Variants in EYA1 observed in about 807,000 individuals in gnomAD.
EYA1 encodes protein phosphatase EYA1.
In EYA1, 16 loss-of-function variants were observed where a neutral mutation model predicts 82.0. The ratio of observed to expected loss-of-function variants is 0.20; its 90% confidence interval spans 0.13 to 0.30. EYA1 has a LOEUF of 0.30. EYA1 is among the 10% of genes least tolerant of loss of function. EYA1 has a pLI of 1.00. For synonymous variants in EYA1, 261 were observed against 264.4 expected (o/e 0.99, Z 0.12); for missense variants, 633 against 730.7 (o/e 0.87, Z 1.54).
At chr8:71,280,593 T>G (rs1237343438) in intron 9 of EYA1, among the ~76,000 whole-genome samples, 2 of 152,200 alleles carry the variant, frequency 1.3e-5, no homozygotes, top group Non-Finnish European at 2.9e-5. Context: ...CTAAAGCAAT[T>G]CCAGTGGTGG....
At chr8:71,467,908 ATTTAC>A (rs1197974343) in intron 2 of EYA1, among the ~76,000 whole-genome samples, 1 of 152,078 alleles carries the variant, frequency 6.6e-6, no homozygotes, top group Non-Finnish European at 1.5e-5. Flanking sequence ...TGGTTAGATG[ATTTAC>A]TAAGTCTCGG....
In EYA1 at chr8:71,212,536, GT is replaced by G. The variant is rs555560589; in HGVS notation, c.1598-1281del. 1.4e-4 allele frequency among the ~76,000 whole-genome samples: 21 copies of G among 152,314 alleles called. No homozygotes were observed. In the South Asian group the frequency reaches 2.3e-3, roughly 17 times the overall value. ...AAATTCAATGTAATTTAAAGATGAA[GT>G]TGTGGTAGACAAAAAAAATCCTTGC... On this transcript the variant is annotated intron_variant, in intron 16 of 17. Transcript: ENST00000340726.
chr8:71,422,263 A>C (rs957943785), intron 2 of EYA1, among the ~76,000 whole-genome samples: 4 of 152,220 alleles, frequency 2.6e-5, no homozygotes, highest in Non-Finnish European at 5.9e-5. Context: ...GGGATAAAGC[A>C]GATGACATTT....
chr8:71,246,297 CA>C (rs2128907831), intron 11 of EYA1, among the ~76,000 whole-genome samples: 1 of 152,264 alleles, frequency 6.6e-6, no homozygotes, highest in South Asian at 2.1e-4. Flanking sequence ...ATTATGTAAC[CA>C]GGGGGATTGT....
At position 71,215,423 on chromosome 8, in the gene EYA1, A is replaced by G. The variant is rs757978078; in HGVS notation, c.1561T>C (p.Phe521Leu). ...GCACTGTAAATATTTTCTATTGGAA[A>G]TACAATTCCTAACCCATACAGCAGG... ...KVLLYGLGIV[F>L]PIENIYSATK... Residue 521 changes from phenylalanine (F) to leucine (L), a missense_variant, in exon 16 of 18, where the codon TTT becomes CTT. Coordinates refer to ENST00000340726, the MANE Select transcript of EYA1 (RefSeq NM_000503.6). 1.2e-6 allele frequency: 2 copies of G among 1,613,280 alleles called. No individual in the cohort carries two copies. The highest frequency in any genetic ancestry group is 1.7e-6 in the Non-Finnish European group (2 of 1,179,182).
intron 2 of EYA1, among the ~76,000 whole-genome samples, chr8:71,385,394 G>A (rs1400262217): frequency 2.0e-5 from 3 of 151,964 alleles, no homozygotes; most frequent in East Asian, 1.9e-4. Context: ...GAGCCACCAC[G>A]TAAAACAAAA....
Position 71,361,815 on chromosome 8 carries a change from A to G in EYA1, c.-223T>C, listed in dbSNP as rs1827406729. On this transcript the variant is annotated 5_prime_UTR_variant, in exon 1 of 18. Transcript: ENST00000340726. ...TGGGAGTGGAGCGCCTCTGCAGGGG[A>G]AAGCTCGGCGCAGGGGGCAGGCGCC... 4 of 985,338 alleles carry G rather than the reference A, an allele frequency of 4.1e-6. No individual in the cohort carries two copies. Among genetic ancestry groups the G allele is most frequent in the South Asian group, 4.7e-5 (1 of 21,296 alleles). The allele number at this position is 985,338 out of a possible 1,614,324, so 61.0% of individuals were successfully genotyped here.
At chr8:71,330,425 GA>G (rs1823700180) in intron 4 of EYA1, among the ~76,000 whole-genome samples, 1 of 152,100 alleles carries the variant, frequency 6.6e-6, no homozygotes, top group Non-Finnish European at 1.5e-5. Context: ...TGCCTCTGTT[GA>G]GTTTGTGTCA....
At position 71,354,829 on chromosome 8, in the gene EYA1, C is replaced by G; in HGVS notation, c.77G>C (p.Gly26Ala). Residue 26 changes from glycine (G) to alanine (A), a missense_variant, in exon 3 of 18, where the codon GGT becomes GCT. By Grantham distance (60) the Gly-to-Ala change is moderately conservative. Coordinates refer to ENST00000340726, the MANE Select transcript of EYA1 (RefSeq NM_000503.6). ...GGAATTACTATTTATATGAGAGTTACCGAGTTTGGGGCCACTGGGGGATTC... is the reference window on the plus strand; with the variant it reads ...GGAATTACTATTTATATGAGAGTTAGCGAGTTTGGGGCCACTGGGGGATTC... ...SSESPSGPKL[G>A]NSHINSNSMT... is the part of the protein sequence containing the mutation. 1 of 1,613,744 alleles carries G rather than the reference C, an allele frequency of 6.2e-7. No individual in the cohort carries two copies. Among genetic ancestry groups the G allele is most frequent in the Non-Finnish European group, 8.5e-7 (1 of 1,179,718 alleles).
At chr8:71,488,251 A>C (rs1428978125) in intron 2 of EYA1, among the ~76,000 whole-genome samples, 1 of 152,044 alleles carries the variant, frequency 6.6e-6, no homozygotes, top group African/African-American at 2.4e-5. Context: ...TCATGATATA[A>C]ATATATGATA....
chr8:71,287,593 C>T (rs2128981366), intron 9 of EYA1, among the ~76,000 whole-genome samples: 1 of 152,310 alleles, frequency 6.6e-6, no homozygotes, highest in African/African-American at 2.4e-5. Flanking sequence ...ACATTTCAAC[C>T]ACTGGTTTAA....
intron 2 of EYA1, among the ~76,000 whole-genome samples, chr8:71,379,099 G>A (rs16937613): frequency 0.021 from 3,213 of 152,196 alleles, 122 homozygotes; most frequent in African/African-American, 0.071. Context: ...GTACATGAAA[G>A]TGCAGAGAAA....
chr8:71,538,363 GAATGAATGAATAA>G lies in EYA1; in HGVS notation c.-72-2528_-72-2516del, dbSNP rs138079658. 4.3e-3 allele frequency among the ~76,000 whole-genome samples: 659 copies of G among 152,226 alleles called. 3 individuals carry two copies. Among genetic ancestry groups the G allele is most frequent in the Non-Finnish European group, 7.2e-3 (488 of 68,018 alleles). On this transcript the variant is annotated intron_variant, in intron 1 of 18. Coordinates refer to the EYA1 transcript ENST00000643681. ...ACATATGGCACTAATTAAATATTTT[GAATGAATGAATAA>G]AATGAATAAATGAATGAATGTTGTT... is the stretch of plus-strand genomic sequence containing the variant.
At chr8:71,236,061 G>C (rs1811794029) in intron 12 of EYA1, among the ~76,000 whole-genome samples, 1 of 151,538 alleles carries the variant, frequency 6.6e-6, no homozygotes, top group South Asian at 2.1e-4. Context: ...TTATTTTTTT[G>C]AAATAGTCTC....
intron 7 of EYA1, 107 bp from the exon 8 acceptor site, chr8:71,299,827 A>G: frequency 1.3e-6 from 1 of 741,374 alleles, no homozygotes; most frequent in South Asian, 1.4e-5. Context: ...TTTATCTTCG[A>G]CACTAGAATC....
At chr8:71,510,674 C>T (rs1586857224) in intron 2 of EYA1, among the ~76,000 whole-genome samples, 3 of 152,198 alleles carry the variant, frequency 2.0e-5, no homozygotes, top group South Asian at 4.1e-4. Flanking sequence ...CTGGTCCTGA[C>T]CTTGACACAT....
intron 2 of EYA1, among the ~76,000 whole-genome samples, chr8:71,496,281 G>A (rs1308791763): frequency 1.3e-5 from 2 of 152,184 alleles, no homozygotes; most frequent in Non-Finnish European, 2.9e-5. Context: ...AGCCTGTACA[G>A]CTAAGCTAAC....
chr8:71,254,875 A>C lies in EYA1; in HGVS notation c.1051-10183T>G, dbSNP rs565247963. On this transcript the variant is annotated intron_variant, in intron 11 of 17. Transcript: ENST00000340726. ...CACCACACACACAGAGTCTGTTAGA[A>C]CTAATGAATACATTCAGCACAGTTG... is the stretch of plus-strand genomic sequence containing the variant. Among the ~76,000 whole-genome samples, 53 of 149,734 alleles carry C rather than the reference A, an allele frequency of 3.5e-4. 1 individual carries two copies. The highest frequency in any genetic ancestry group is 1.2e-3 in the African/African-American group (50 of 40,616).
intron 2 of EYA1, among the ~76,000 whole-genome samples, chr8:71,485,788 G>T (rs150966817): frequency 2.7e-4 from 41 of 152,258 alleles, no homozygotes; most frequent in African/African-American, 8.2e-4. Context: ...GTTTCCAAAA[G>T]ATTTGACATC....
Sources: allele counts gnomAD v4.1 joint callset (sites outside exome capture counted in the v4.1 genomes callset), GRCh38; gene constraint gnomAD v4.1.1; transcripts MANE v1.5; gene names NCBI Gene and HGNC (gene_info 2026-07-23, HGNC 2026-07-21).